OPRM1: variants seen among roughly 807,000 people sequenced by gnomAD.
OPRM1 encodes the protein opioid receptor mu 1, also known as mu-type opioid receptor.
Under a neutral mutation model 31.8 loss-of-function variants are expected in OPRM1, and 27 were observed. The ratio of observed to expected loss-of-function variants is 0.85; its 90% CI spans 0.63 to 1.17. OPRM1 has a LOEUF of 1.17. OPRM1 is among the 50% of genes most tolerant of loss of function. The pLI is 0.00. For missense variants in OPRM1, 536 were observed against 511.1 expected (o/e 1.05, Z -0.47); for synonymous variants, 196 against 189.9 (o/e 1.03, Z -0.26).
chr6:154,215,262 C>T (rs940041255), intron 3 of OPRM1, among the ~76,000 whole-genome samples: 2 of 151,190 alleles, frequency 1.3e-5, no homozygotes, highest in Non-Finnish European at 2.9e-5. Context: ...CCTTACGCAA[C>T]CCTCAACCTG....
chr6:154,103,016 AT>A (rs1795089625), intron 3 of OPRM1, among the ~76,000 whole-genome samples: 1 of 152,132 alleles, frequency 6.6e-6, no homozygotes. Flanking sequence ...TAGAAAAAAA[AT>A]GACCTTCAGC....
rs931063276 is a variant in OPRM1 at position 154,216,749 on chromosome 6, T to C, written c.1165-29944T>C. 2.0e-5 allele frequency among the ~76,000 whole-genome samples: 3 copies of C among 152,180 alleles called. No individual in the cohort carries two copies. In the South Asian group the frequency reaches 6.2e-4, roughly 32 times the overall value. On this transcript the variant is annotated intron_variant, in intron 3 of 3. Coordinates refer to the OPRM1 transcript ENST00000337049. ...CAGGCGTGGTGGCACACGCCTATAA[T>C]CCCAGCTACTTGGGAGGCTGAGGCA...
intron 3 of OPRM1, chr6:154,159,669 A>T: frequency 1.6e-6 from 1 of 641,688 alleles, no homozygotes; most frequent in Non-Finnish European, 2.7e-6. Context: ...GCCCTGGTGT[A>T]TTCGGTGATT....
rs558661426 is a variant in OPRM1, at chr6:154,178,127, TG to T, written c.1165-68562del. ...ACACAGGGAGGGGAACATCACAGAC[TG>T]GGGCCTGTTGGTGGGTGGGGGGCTG... is the stretch of plus-strand genomic sequence containing the variant. On this transcript the variant is annotated intron_variant, in intron 3 of 3. Transcript: ENST00000337049. 3.3e-3 allele frequency among the ~76,000 whole-genome samples: 147 copies of T among 45,052 alleles called. 1 individual carries two copies. Among genetic ancestry groups the T allele is most frequent in the Admixed American group, 0.012 (35 of 2,942 alleles). 29.6% of individuals were successfully genotyped at this position (45,052 alleles called of 152,430 possible).
At chr6:154,177,677 T>C (rs1459663169) in intron 3 of OPRM1, among the ~76,000 whole-genome samples, 1 of 152,204 alleles carries the variant, frequency 6.6e-6, no homozygotes, top group African/African-American at 2.4e-5. Context: ...AGGAACACTT[T>C]TACACTGTTG....
intron 3 of OPRM1, chr6:154,159,692 C>T (rs761229952): frequency 4.6e-5 from 31 of 677,346 alleles, no homozygotes; most frequent in Admixed American, 1.4e-4. Flanking sequence ...CTTCATCTAA[C>T]GTGCATCTTT....
chr6:154,133,535 T>A (rs1797984211), downstream of OPRM1, among the ~76,000 whole-genome samples: 2 of 152,254 alleles, frequency 1.3e-5, 1 homozygote, highest in South Asian at 4.1e-4. Flanking sequence ...CTGGAGTATT[T>A]ATCTAGAAAT....
intron 3 of OPRM1, among the ~76,000 whole-genome samples, chr6:154,096,365 C>G (rs376998465): frequency 6.6e-6 from 1 of 151,982 alleles, no homozygotes; most frequent in African/African-American, 2.4e-5. Context: ...TGGCCTCTAA[C>G]GCATTTTATA....
At chr6:154,136,022 G>A (rs1798051938), downstream of OPRM1, among the ~76,000 whole-genome samples, 1 of 152,152 alleles carries the variant, frequency 6.6e-6, no homozygotes, top group Admixed American at 6.5e-5. Context: ...CACACAGAAG[G>A]AGAATCATTC....
chr6:154,013,034 T>TAG (rs2128375611), intron 1 of OPRM1, among the ~76,000 whole-genome samples: 1 of 152,106 alleles, frequency 6.6e-6, no homozygotes, highest in African/African-American at 2.4e-5. Flanking sequence ...TTGGCAGGGC[T>TAG]GGGGGGGTAC....
intron 1 of OPRM1, chr6:154,083,341 T>C (rs1004930918): frequency 6.6e-6 from 1 of 152,256 alleles, no homozygotes; most frequent in Middle Eastern, 3.4e-3. Context: ...AACCATGAGA[T>C]TAGCAGGAGA....
intron 3 of OPRM1, among the ~76,000 whole-genome samples, chr6:154,177,055 T>C (rs574622627): frequency 5.1e-4 from 78 of 152,312 alleles, no homozygotes; most frequent in Non-Finnish European, 9.0e-4. Flanking sequence ...CCCTATTTAA[T>C]AAATGTTGCT....
At chr6:154,221,159 A>G in intron 3 of OPRM1, 1 of 827,978 alleles carries the variant, frequency 1.2e-6, no homozygotes, top group Admixed American at 2.6e-5. Flanking sequence ...CAGAAATAAA[A>G]TAATAATTGA....
chr6:154,106,999 T>G (rs907919316), intron 3 of OPRM1, among the ~76,000 whole-genome samples: 3 of 152,242 alleles, frequency 2.0e-5, no homozygotes, highest in Admixed American at 6.5e-5. Context: ...TATTCTATTT[T>G]TCTGCTGAAA....
chr6:154,171,608 G>A (rs1032087544), intron 3 of OPRM1, among the ~76,000 whole-genome samples: 1 of 152,176 alleles, frequency 6.6e-6, no homozygotes, highest in African/African-American at 2.4e-5. Context: ...TTTCATGTGT[G>A]AATGTTATGG....
intron 3 of OPRM1, among the ~76,000 whole-genome samples, chr6:154,188,059 A>C (rs1343069066): frequency 1.3e-5 from 2 of 152,240 alleles, no homozygotes; most frequent in Non-Finnish European, 2.9e-5. Flanking sequence ...TAGTGTTTGG[A>C]AAGGAAAAAA....
intron 3 of OPRM1, among the ~76,000 whole-genome samples, chr6:154,179,280 C>T (rs1398851848): frequency 6.6e-6 from 1 of 152,204 alleles, no homozygotes; most frequent in Non-Finnish European, 1.5e-5. Context: ...TCAAACCTTT[C>T]TGGCTACCCT....
intron 3 of OPRM1, among the ~76,000 whole-genome samples, chr6:154,143,679 G>T (rs934785826): frequency 1.3e-5 from 2 of 152,174 alleles, no homozygotes; most frequent in African/African-American, 2.4e-5. Flanking sequence ...AGGTGATTGG[G>T]CTATGAGGGT....
chr6:154,160,067 G>C, intron 3 of OPRM1: 1 of 1,547,746 alleles, frequency 6.5e-7, no homozygotes, highest in South Asian at 1.1e-5. Context: ...AAAGGGGAAG[G>C]GGGTATGTTG....
Sources: allele counts gnomAD v4.1 joint callset (sites outside exome capture counted in the v4.1 genomes callset), GRCh38; gene constraint gnomAD v4.1.1; transcripts MANE v1.5; gene names NCBI Gene and HGNC (gene_info 2026-07-23, HGNC 2026-07-21).